The following GALNT16 variants were observed in gnomAD, a reference collection of about 807,000 sequenced individuals.
GALNT16 encodes polypeptide N-acetylgalactosaminyltransferase 16.
In GALNT16, 40 loss-of-function variants were observed where a neutral mutation model predicts 76.1. The observed-to-expected ratio is 0.53, with a 90% CI of 0.41 to 0.68. The LOEUF (loss-of-function observed/expected upper bound fraction) is 0.68. GALNT16 is among the 30% of genes least tolerant of loss of function. GALNT16 has a pLI of 0.00. For synonymous variants in GALNT16, 276 were observed against 285.2 expected (o/e 0.97, Z 0.32); for missense variants, 621 against 731.9 (o/e 0.85, Z 1.75).
chr14:69,269,767 G>A (rs1297728496), intron 1 of GALNT16, among the ~76,000 whole-genome samples: 1 of 149,842 alleles, frequency 6.7e-6, no homozygotes, highest in Non-Finnish European at 1.5e-5. Flanking sequence ...TGGGGTTCCT[G>A]TGTATGTAGT....
intron 1 of GALNT16, among the ~76,000 whole-genome samples, chr14:69,316,748 T>C (rs531734964): frequency 8.3e-6 from 1 of 119,968 alleles, no homozygotes; most frequent in South Asian, 3.5e-4. Flanking sequence ...CCTCAGGCCA[T>C]TGTGAGCTTG....
the GALNT16 span, among the ~76,000 whole-genome samples, chr14:69,376,262 C>T: frequency 0.46 from 70,504 of 151,858 alleles, 16,535 homozygotes; most frequent in Middle Eastern, 0.58. Flanking sequence ...TAAGGGACCA[C>T]TGGTCTTATT....
chr14:69,379,389 T>C, the GALNT16 span, among the ~76,000 whole-genome samples: 1 of 152,258 alleles, frequency 6.6e-6, no homozygotes, highest in African/African-American at 2.4e-5. Flanking sequence ...ACTGAGCACA[T>C]ATGAGTATGT....
chr14:69,339,711 C>T (rs776082072), intron 11 of GALNT16, 92 bp downstream of exon 11: 1 of 716,550 alleles, frequency 1.4e-6, no homozygotes, highest in Middle Eastern at 3.3e-4. Flanking sequence ...CAGGGAACCA[C>T]CCGCCACCTC....
intron 1 of GALNT16, among the ~76,000 whole-genome samples, chr14:69,313,351 T>C (rs2045054786): frequency 6.6e-6 from 1 of 152,236 alleles, no homozygotes; most frequent in South Asian, 2.1e-4. Flanking sequence ...GCAGATGGCC[T>C]CTGGGCTGGG....
At chr14:69,260,044 A>G (rs545423655), upstream of GALNT16, 2,970 of 426,844 alleles carry the variant, frequency 7.0e-3, 96 homozygotes, top group African/African-American at 0.059. Context: ...GGCCCTGCGC[A>G]CGAATGAATG....
chr14:69,333,444 G>T lies in GALNT16; in HGVS notation c.864-53G>T. On this transcript the variant is annotated intron_variant, in intron 8 of 14. Transcript: ENST00000448469. This position sits in a 1 kb window ranked among gnomAD's most constrained non-coding sequence, Gnocchi z 4.2. ...CTTGGGTCCTGGGGCCATCTAAAGG[G>T]CCTCCTTGCTTCTCCAGCTCACGTG... The T allele has an allele frequency of 9.1e-7, 1 of 1,093,976 alleles. No individual in the cohort carries two copies. The allele number at this position is 1,093,976 out of a possible 1,614,324, so 67.8% of individuals were successfully genotyped here.
intron 1 of GALNT16, among the ~76,000 whole-genome samples, chr14:69,296,825 A>T (rs1487834050): frequency 6.6e-6 from 1 of 151,106 alleles, no homozygotes; most frequent in Non-Finnish European, 1.5e-5. Flanking sequence ...AGATAGATAG[A>T]TAGATAGATA....
intron 1 of GALNT16, among the ~76,000 whole-genome samples, chr14:69,318,695 C>T (rs1266260277): frequency 6.6e-6 from 1 of 152,232 alleles, no homozygotes; most frequent in Non-Finnish European, 1.5e-5. Flanking sequence ...CTATTTCCCA[C>T]AGCTGACCTG....
intron 6 of GALNT16, 83 bp from the exon 7 acceptor site, chr14:69,331,381 A>C (rs2045350135): frequency 1.3e-6 from 1 of 781,662 alleles, no homozygotes. Flanking sequence ...TGTCTCAGAG[A>C]GGCCTTCTCC....
intron 12 of GALNT16, among the ~76,000 whole-genome samples, chr14:69,342,840 G>A (rs1374178364): frequency 2.0e-5 from 3 of 152,018 alleles, no homozygotes; most frequent in Non-Finnish European, 2.9e-5. Flanking sequence ...TGACTCAAAC[G>A]TCCCCTTCCC....
intron 1 of GALNT16, among the ~76,000 whole-genome samples, chr14:69,307,628 A>T (rs1010362576): frequency 6.6e-6 from 1 of 152,078 alleles, no homozygotes; most frequent in African/African-American, 2.4e-5. Context: ...GACTGCCGCT[A>T]TGGAGTGGCT....
intron 1 of GALNT16, among the ~76,000 whole-genome samples, chr14:69,283,752 A>G (rs1566863980): frequency 6.6e-6 from 1 of 152,188 alleles, no homozygotes; most frequent in Admixed American, 6.5e-5. Context: ...GTGCTGTTAG[A>G]ATGGTGCCCA....
At chr14:69,314,073 G>A (rs2045066151) in intron 1 of GALNT16, among the ~76,000 whole-genome samples, 1 of 152,228 alleles carries the variant, frequency 6.6e-6, no homozygotes, top group Non-Finnish European at 1.5e-5. Flanking sequence ...TTCTGGTTTA[G>A]TTGGTCTTGG....
intron 7 of GALNT16, among the ~76,000 whole-genome samples, chr14:69,332,347 A>T (rs959885314): frequency 6.7e-6 from 1 of 150,040 alleles, no homozygotes; most frequent in African/African-American, 2.4e-5. Context: ...TGGTTACTTA[A>T]ACTTGCATTA....
At chr14:69,372,674 C>A in the GALNT16 span, among the ~76,000 whole-genome samples, 471 of 151,876 alleles carry the variant, frequency 3.1e-3, 4 homozygotes, top group African/African-American at 0.011. Flanking sequence ...TCAGCCTTTT[C>A]TAAGAAGGAA....
chr14:69,272,768 G>A (rs12590134), intron 1 of GALNT16, among the ~76,000 whole-genome samples: 42,345 of 151,938 alleles, frequency 0.28, 6,149 homozygotes, highest in South Asian at 0.34. Flanking sequence ...CTTTTTATAC[G>A]TTTAGATACG....
chr14:69,383,135 T>A, the GALNT16 span, among the ~76,000 whole-genome samples: 1 of 152,230 alleles, frequency 6.6e-6, no homozygotes, highest in Non-Finnish European at 1.5e-5. Flanking sequence ...GGCATTATTT[T>A]CATCTTACAA....
At chr14:69,260,498 C>T (rs2044250129) in intron 1 of GALNT16, 31 bp downstream of exon 1, 2 of 1,335,962 alleles carry the variant, frequency 1.5e-6, no homozygotes, top group Non-Finnish European at 1.9e-6. Context: ...GGCCGGCCGG[C>T]TAGGGAGCCG....
Sources: allele counts gnomAD v4.1 joint callset (sites outside exome capture counted in the v4.1 genomes callset), GRCh38; gene constraint gnomAD v4.1.1; non-coding constraint Gnocchi (gnomAD v3.1); transcripts MANE v1.5; gene names NCBI Gene and HGNC (gene_info 2026-07-23, HGNC 2026-07-21).